Variants in UBXN2A observed in about 807,000 individuals in gnomAD.
The protein encoded by UBXN2A is UBX domain protein 2A, also known as UBX domain-containing protein 2A.
A neutral mutation model predicts 28.4 loss-of-function variants in UBXN2A; 28 were observed. The ratio of observed to expected loss-of-function variants is 0.99; its 90% CI spans 0.73 to 1.35. The LOEUF (loss-of-function observed/expected upper bound fraction) is 1.35, where lower values mean the gene tolerates loss of function less well. Ranked by LOEUF, UBXN2A falls within the 40% of genes most tolerant of loss-of-function variation. The pLI, the probability that UBXN2A is intolerant of heterozygous loss-of-function variation, is 0.00. For missense variants in UBXN2A, 253 were observed against 297.9 expected, an observed-to-expected ratio of 0.85 and a Z score of 1.11; for synonymous variants, 97 against 103.6, an observed-to-expected ratio of 0.94 and a Z score of 0.39.
At chr2:23,958,056 G>A (rs1706719747) in intron 1 of UBXN2A, among the ~76,000 whole-genome samples, 2 of 152,168 alleles carry the variant, frequency 1.3e-5, no homozygotes, top group African/African-American at 4.8e-5. Context: ...CAGTTCATTT[G>A]TTAAGTCAAA....
intron 3 of UBXN2A, 125 bp downstream of exon 3, chr2:23,971,539 A>G (rs755338216): frequency 2.2e-4 from 244 of 1,089,032 alleles, no homozygotes; most frequent in Non-Finnish European, 3.0e-4. Context: ...CCCAGACTGG[A>G]GTGCAGTGGC....
In UBXN2A at chr2:23,981,287, C is replaced by T. The variant is rs1306292793; in HGVS notation, c.288-1609C>T. 4.6e-5 allele frequency among the ~76,000 whole-genome samples: 6 copies of T among 129,062 alleles called. 1 individual carries two copies. The highest frequency in any genetic ancestry group is 8.8e-5 in the African/African-American group (3 of 34,164). 84.7% of individuals were successfully genotyped at this position (129,062 alleles called of 152,430 possible). On this transcript the variant is annotated intron_variant, in intron 4 of 6. Coordinates refer to ENST00000309033, the MANE Select transcript of UBXN2A (RefSeq NM_181713.4). Reference sequence around the variant, plus strand: ...AATTAAACCAGTCCGGCCAACATAGCGAGAACCTGTCTCTACAAAAAAAAA... The same window carrying T: ...AATTAAACCAGTCCGGCCAACATAGTGAGAACCTGTCTCTACAAAAAAAAA...
chr2:23,958,984 G>T (rs1176762428), intron 2 of UBXN2A, among the ~76,000 whole-genome samples: 1 of 152,100 alleles, frequency 6.6e-6, no homozygotes, highest in Non-Finnish European at 1.5e-5. Flanking sequence ...GGGACTACAG[G>T]CTTACACCAC....
chr2:23,974,432 G>A (rs1238370517), intron 3 of UBXN2A, among the ~76,000 whole-genome samples: 3 of 150,132 alleles, frequency 2.0e-5, no homozygotes, highest in South Asian at 2.1e-4. Context: ...TGCAAGCTCC[G>A]CCTCCCGGGT....
intron 1 of UBXN2A, among the ~76,000 whole-genome samples, chr2:23,942,583 T>G (rs1705821634): frequency 6.6e-6 from 1 of 151,564 alleles, no homozygotes; most frequent in African/African-American, 2.4e-5. Context: ...CATGCCCGGC[T>G]AATTTTTGTA....
In UBXN2A at chr2:23,974,438, C is replaced by G. The variant is rs935896022; in HGVS notation, c.181-2531C>G. On this transcript the variant is annotated intron_variant, in intron 3 of 6. Coordinates refer to ENST00000309033, the MANE Select transcript of UBXN2A (RefSeq NM_181713.4). ...TCGGCTCACTGCAAGCTCCGCCTCC[C>G]GGGTTCACACCATTCTCCTGCCTCA... Among the ~76,000 whole-genome samples, 3 of 149,248 alleles carry G rather than the reference C, an allele frequency of 2.0e-5. No homozygotes were observed. In the East Asian group the frequency reaches 6.0e-4, roughly 30 times the overall value.
At chr2:23,935,115 A>G (rs1368728116) in intron 1 of UBXN2A, among the ~76,000 whole-genome samples, 1 of 152,208 alleles carries the variant, frequency 6.6e-6, no homozygotes, top group African/African-American at 2.4e-5. Flanking sequence ...CCTAAATGTC[A>G]GAGCTAAAGC....
At chr2:23,950,969 A>G (rs1331248155) in intron 1 of UBXN2A, among the ~76,000 whole-genome samples, 6 of 152,062 alleles carry the variant, frequency 3.9e-5, no homozygotes. Context: ...ATGAGCCACC[A>G]TGCCTGGCCT....
intron 1 of UBXN2A, among the ~76,000 whole-genome samples, chr2:23,932,836 T>C (rs1396468632): frequency 2.6e-5 from 4 of 152,176 alleles, no homozygotes; most frequent in Non-Finnish European, 5.9e-5. Context: ...CCAGGCGCGG[T>C]GGCTCACGCC....
chr2:23,946,318 T>A (rs1706075217), intron 1 of UBXN2A, among the ~76,000 whole-genome samples: 1 of 149,962 alleles, frequency 6.7e-6, no homozygotes, highest in African/African-American at 2.5e-5. Context: ...CATGCCTGGC[T>A]AATTTTTGTT....
chr2:23,996,435 A>G (rs1010891712), intron 6 of UBXN2A, among the ~76,000 whole-genome samples: 1 of 147,890 alleles, frequency 6.8e-6, no homozygotes, highest in Non-Finnish European at 1.5e-5. Flanking sequence ...TTGTTGTTCA[A>G]TTATGCCTTC....
rs1167458971 is a variant in UBXN2A, at chr2:23,951,464, A to G, written c.-14-6837A>G. Among the ~76,000 whole-genome samples the G allele has an allele frequency of 1.1e-4, 11 of 97,240 alleles. No homozygotes were observed. The Admixed American group carries it at 1.2e-3, about 11-fold the overall frequency. 63.8% of individuals were successfully genotyped at this position (97,240 alleles called of 152,430 possible). A position where few individuals can be genotyped will look rare whatever the true frequency, so the allele number is the denominator to read the frequency against. ...TATATATATATATATATATATATAT[A>G]GTTTTGTTTCATTTTGAGACAGTTT... On this transcript the variant is annotated intron_variant, in intron 1 of 6. Coordinates refer to ENST00000309033, the MANE Select transcript of UBXN2A (RefSeq NM_181713.4).
intron 6 of UBXN2A, among the ~76,000 whole-genome samples, chr2:23,986,924 T>C (rs1708155185): frequency 6.6e-6 from 1 of 151,904 alleles, no homozygotes; most frequent in Admixed American, 6.6e-5. Flanking sequence ...AAAGCTTTTT[T>C]TTGGCTGGGT....
chr2:23,997,033 C>T (rs1411308840), intron 6 of UBXN2A: 1 of 152,002 alleles, frequency 6.6e-6, no homozygotes, highest in Non-Finnish European at 1.5e-5. Flanking sequence ...GGAATCCTCC[C>T]ACCTCAGCTT....
At chr2:23,953,537 A>G (rs1706472275) in intron 1 of UBXN2A, among the ~76,000 whole-genome samples, 1 of 152,218 alleles carries the variant, frequency 6.6e-6, no homozygotes, top group African/African-American at 2.4e-5. Context: ...AAATAACATC[A>G]GATATCCCGT....
chr2:23,995,322 T>G (rs1708486995), intron 6 of UBXN2A, among the ~76,000 whole-genome samples: 1 of 152,062 alleles, frequency 6.6e-6, no homozygotes, highest in African/African-American at 2.4e-5. Context: ...TACAGGGCTC[T>G]CAGATGATTT....
In UBXN2A at chr2:23,971,200, C is replaced by T. The variant is rs539903041; in HGVS notation, c.42-76C>T. 23 of 1,408,042 alleles carry T rather than the reference C, an allele frequency of 1.6e-5. No homozygotes were observed. In the South Asian group the frequency reaches 3.9e-4, roughly 24 times the overall value. 87.2% of individuals were successfully genotyped at this position (1,408,042 alleles called of 1,614,324 possible). A position where few individuals can be genotyped will look rare whatever the true frequency, so the allele number is the denominator to read the frequency against. Reference sequence around the variant, plus strand: ...TGCACGTAGCATCTAAGTTCAATATCCTTAACTAGAACAAAATAAGTAAAT... The same window carrying T: ...TGCACGTAGCATCTAAGTTCAATATTCTTAACTAGAACAAAATAAGTAAAT... On this transcript the variant is annotated intron_variant, in intron 2 of 6. Coordinates refer to ENST00000309033, the MANE Select transcript of UBXN2A (RefSeq NM_181713.4).
At chr2:23,935,998 G>A (rs147451468), upstream of UBXN2A, among the ~76,000 whole-genome samples, 224 of 152,252 alleles carry the variant, frequency 1.5e-3, 5 homozygotes, top group Admixed American at 9.1e-3. Context: ...GTTGCAGTGA[G>A]TCAAGATTGC....
At chr2:23,975,096 A>C (rs1273726793) in intron 3 of UBXN2A, among the ~76,000 whole-genome samples, 1 of 152,186 alleles carries the variant, frequency 6.6e-6, no homozygotes, top group Non-Finnish European at 1.5e-5. Flanking sequence ...TATATAATTA[A>C]ATGTGTCAGC....
Sources: allele counts gnomAD v4.1 joint callset (sites outside exome capture counted in the v4.1 genomes callset), GRCh38; gene constraint gnomAD v4.1.1; transcripts MANE v1.5; gene names NCBI Gene and HGNC (gene_info 2026-07-23, HGNC 2026-07-21).